Variants in DLGAP4 observed in about 807,000 individuals in gnomAD.
DLGAP4 encodes the protein DLG associated protein 4, also known as disks large-associated protein 4.
A neutral mutation model predicts 86.9 loss-of-function variants in DLGAP4; 18 were observed. That is an observed-to-expected ratio of 0.21 (90% CI 0.14 to 0.31). The LOEUF is 0.31. DLGAP4 is among the 10% of genes least tolerant of loss of function. The pLI is 1.00. For missense variants in DLGAP4, 1,085 were observed against 1,362.6 expected (o/e 0.80, Z 3.21); for synonymous variants, 548 against 574.3 (o/e 0.95, Z 0.65).
At position 36,431,189 on chromosome 20, in the gene DLGAP4, T is replaced by C. The variant is rs1377059466; in HGVS notation, c.-72-457T>C. Among the ~76,000 whole-genome samples, 2 of 152,006 alleles carry C rather than the reference T, an allele frequency of 1.3e-5. No homozygotes were observed. The highest frequency in any genetic ancestry group is 2.9e-5 in the Non-Finnish European group (2 of 68,002). On this transcript the variant is annotated intron_variant, in intron 2 of 12. Coordinates refer to ENST00000339266, the MANE Select transcript of DLGAP4 (RefSeq NM_001365621.2). This position sits in a 1 kb window ranked among gnomAD's most constrained non-coding sequence, Gnocchi z 5.1. The stretch of plus-strand genomic sequence containing the variant: ...GTGGACCCTGCCACAGGGACCATCC[T>C]GGGGTTCCGGGATGACTGTTTGGGG...
rs182259032 is a variant in DLGAP4, at chr20:36,420,341, T to C, written c.-72-11305T>C. Among the ~76,000 whole-genome samples the C allele has an allele frequency of 4.4e-3, 673 of 152,102 alleles. 7 individuals are homozygous for C. Among genetic ancestry groups the C allele is most frequent in the African/African-American group, 0.016 (647 of 41,514 alleles). ...CGAGGAGCTGCTTTGGACAGTGTGG[T>C]CAGGGATCGCCTCTCAGTGGATGTA... On this transcript the variant is annotated intron_variant, in intron 2 of 12. Transcript: ENST00000339266.
intron 1 of DLGAP4, among the ~76,000 whole-genome samples, chr20:36,332,450 C>T (rs1302385734): frequency 6.6e-6 from 1 of 152,050 alleles, no homozygotes; most frequent in Non-Finnish European, 1.5e-5. Context: ...AGTGCAGTGG[C>T]ACGATCTCTG....
At chr20:36,404,784 T>G (rs931191197) in intron 2 of DLGAP4, among the ~76,000 whole-genome samples, 48 of 148,104 alleles carry the variant, frequency 3.2e-4, no homozygotes, top group Non-Finnish European at 6.1e-4. Context: ...AATGAATGAA[T>G]GAAGCAGAGA....
intron 2 of DLGAP4, among the ~76,000 whole-genome samples, chr20:36,368,077 T>C (rs1201094385): frequency 6.6e-6 from 1 of 152,228 alleles, no homozygotes; most frequent in African/African-American, 2.4e-5. Flanking sequence ...CATTCCCTTC[T>C]GGCCAACTAG....
intron 1 of DLGAP4, 110 bp from the exon 2 acceptor site, chr20:36,366,935 A>C (rs985870362): frequency 3.3e-5 from 5 of 152,198 alleles, no homozygotes; most frequent in African/African-American, 9.7e-5. Flanking sequence ...TTCTATGACC[A>C]CTGCTCCATG....
rs1488759911 is a variant in DLGAP4 at position 36,497,328 on chromosome 20, TCAGC to T, written c.2010+269_2010+272del. ...GTTGTCCCAGTGAATGTAGTTACAC[TCAGC>T]CAGCCATCTCCTGTCCACTGTTTGC... is the stretch of plus-strand genomic sequence containing the variant. On this transcript the variant is annotated intron_variant, in intron 8 of 12. Coordinates refer to ENST00000339266, the MANE Select transcript of DLGAP4 (RefSeq NM_001365621.2). 14 of 1,340,286 alleles carry T rather than the reference TCAGC, an allele frequency of 1.0e-5. No homozygotes were observed. In the Admixed American group the frequency reaches 4.7e-4, roughly 45 times the overall value. The allele number at this position is 1,340,286 out of a possible 1,614,324, so 83.0% of individuals were successfully genotyped here.
intron 7 of DLGAP4, chr20:36,461,315 A>T: frequency 3.1e-6 from 1 of 323,684 alleles, no homozygotes; most frequent in Non-Finnish European, 4.3e-6. Context: ...CCTGCCGACC[A>T]GCCCGGCTGC....
At chr20:36,323,442 C>A (rs2065188711) in intron 1 of DLGAP4, among the ~76,000 whole-genome samples, 2 of 152,126 alleles carry the variant, frequency 1.3e-5, no homozygotes, top group African/African-American at 4.8e-5. Context: ...GGTAAGTTTT[C>A]TTTTATATTG....
At chr20:36,371,022 AAT>A (rs2030909689) in intron 2 of DLGAP4, among the ~76,000 whole-genome samples, 3 of 152,170 alleles carry the variant, frequency 2.0e-5, no homozygotes, top group African/African-American at 7.2e-5. Context: ...CCATTTTACA[AAT>A]GAGAGGACTG....
intron 1 of DLGAP4, among the ~76,000 whole-genome samples, chr20:36,323,132 C>G (rs879996533): frequency 8.8e-5 from 12 of 136,438 alleles, no homozygotes; most frequent in Non-Finnish European, 1.7e-4. Flanking sequence ...GAGCCATGTT[C>G]TCACCACTGC....
At chr20:36,307,472 C>G (rs1600386714) in intron 1 of DLGAP4, among the ~76,000 whole-genome samples, 2 of 152,194 alleles carry the variant, frequency 1.3e-5, no homozygotes, top group Admixed American at 1.3e-4. Context: ...TCCTCCGCTG[C>G]CTGTGTTGCA....
intron 2 of DLGAP4, among the ~76,000 whole-genome samples, chr20:36,395,853 T>C (rs2031931624): frequency 6.6e-6 from 1 of 152,076 alleles, no homozygotes; most frequent in Non-Finnish European, 1.5e-5. Context: ...TCACACATAT[T>C]TGATCGCTTA....
At chr20:36,404,562 C>T (rs918442360) in intron 2 of DLGAP4, among the ~76,000 whole-genome samples, 4 of 152,178 alleles carry the variant, frequency 2.6e-5, no homozygotes, top group South Asian at 2.1e-4. Context: ...CCCCTTCCAG[C>T]GAGCTTTTTC....
At chr20:36,476,240 T>C (rs1360304760) in intron 7 of DLGAP4, among the ~76,000 whole-genome samples, 3 of 151,662 alleles carry the variant, frequency 2.0e-5, no homozygotes, top group Non-Finnish European at 4.4e-5. Flanking sequence ...CTTTAACTCT[T>C]CATCTTCCCA....
chr20:36,324,087 C>T (rs1314375467), intron 1 of DLGAP4, among the ~76,000 whole-genome samples: 3 of 152,066 alleles, frequency 2.0e-5, no homozygotes, highest in African/African-American at 7.2e-5. Context: ...GAAACAGTTG[C>T]CTAATTCAAG....
chr20:36,346,424 A>T (rs1200676152), intron 1 of DLGAP4, among the ~76,000 whole-genome samples: 1 of 152,172 alleles, frequency 6.6e-6, no homozygotes, highest in African/African-American at 2.4e-5. Flanking sequence ...CATCCGGGAC[A>T]CTCTCCTGGA....
chr20:36,361,834 C>A (rs555477908), intron 1 of DLGAP4, among the ~76,000 whole-genome samples: 1 of 151,446 alleles, frequency 6.6e-6, no homozygotes, highest in South Asian at 2.1e-4. Context: ...AAATTATTAG[C>A]GGAGCGTGGT....
intron 1 of DLGAP4, among the ~76,000 whole-genome samples, chr20:36,317,669 C>T (rs1235027997): frequency 6.6e-6 from 1 of 151,660 alleles, no homozygotes; most frequent in African/African-American, 2.4e-5. Flanking sequence ...GTTGCCCAGG[C>T]TGGTCTTGAA....
At chr20:36,419,351 G>C (rs1321707032) in intron 2 of DLGAP4, among the ~76,000 whole-genome samples, 1 of 151,746 alleles carries the variant, frequency 6.6e-6, no homozygotes, top group Non-Finnish European at 1.5e-5. Context: ...GGCTGGTTTT[G>C]AACTCCTGGC....
Sources: gnomAD v4.1 joint callset for allele counts (sites outside exome capture counted in the v4.1 genomes callset) on GRCh38, gnomAD v4.1.1 for gene constraint, Gnocchi (gnomAD v3.1) non-coding constraint, MANE v1.5 for transcripts, NCBI Gene and HGNC (gene_info 2026-07-23, HGNC 2026-07-21) for gene names.